The following LRRK2 variants were observed in gnomAD, a reference collection of about 807,000 sequenced individuals.
LRRK2 encodes leucine rich repeat kinase 2.
In LRRK2, 203 loss-of-function variants were observed where a neutral mutation model predicts 302.6. The ratio of observed to expected loss-of-function variants is 0.67; its 90% CI spans 0.60 to 0.75. The LOEUF is 0.75. Ranked by LOEUF, LRRK2 falls within the 30% of genes least tolerant of loss-of-function variation. The pLI is 0.00. For synonymous variants in LRRK2, 1,066 were observed against 1,031.9 expected (o/e 1.03, Z -0.63); for missense variants, 2,830 against 2,951.0 (o/e 0.96, Z 0.95).
chr12:40,363,942 T>C (rs1183265787), intron 48 of LRRK2, among the ~76,000 whole-genome samples: 1 of 151,704 alleles, frequency 6.6e-6, no homozygotes, highest in African/African-American at 2.4e-5. Flanking sequence ...CACAAAATAA[T>C]AGACAAATAT....
chr12:40,291,513 C>G (rs1043129470), intron 20 of LRRK2, among the ~76,000 whole-genome samples: 1 of 151,146 alleles, frequency 6.6e-6, no homozygotes, highest in Non-Finnish European at 1.5e-5. Flanking sequence ...CATTTATTTT[C>G]CAAATATTTG....
rs201317931 is a variant in LRRK2 at position 40,354,410 on chromosome 12, G to A, written c.6688G>A (p.Glu2230Lys). 156 of 1,614,060 alleles carry A rather than the reference G, an allele frequency of 9.7e-5. No homozygotes were observed. Among genetic ancestry groups the A allele is most frequent in the Middle Eastern group, 1.7e-4 (1 of 6,060 alleles). The change falls in exon 45 of 51, where the codon GAA (glutamate) becomes AAA (lysine). Residue 2230 changes from glutamate (E) to lysine (K), a missense_variant. Glu to Lys is a moderately conservative substitution (Grantham distance 56). Coordinates refer to ENST00000298910, the MANE Select transcript of LRRK2 (RefSeq NM_198578.4). ...QSGTLLVINT[E>K]DGKKRHTLEK... ...TGGTACTCTCCTGGTCATCAATACC[G>A]AAGATGGGAAAAAGAGACATACCCT...
In LRRK2 at chr12:40,287,499, G is replaced by A. The variant is rs752382576; in HGVS notation, c.2649G>A (p.Met883Ile). 3 of 1,612,546 alleles carry A rather than the reference G, an allele frequency of 1.9e-6. No homozygotes were observed. Among genetic ancestry groups the A allele is most frequent in the South Asian group, 2.2e-5 (2 of 91,056 alleles). The change falls in exon 20 of 51, where the codon ATG becomes ATA. Residue 883 changes from methionine to isoleucine, a missense_variant. By Grantham distance (10) the Met-to-Ile change is conservative. Transcript: ENST00000298910. ...DEWTFIPDSS[M>I]DSVFAQSDDL... ...GGACCTTTATTCCTGACTCTTCTAT[G>A]GACAGTGTGTTTGCTCAAAGTGATG...
In LRRK2 at chr12:40,309,043, TA is replaced by T. The variant is rs928530607; in HGVS notation, c.4190-57del. On this transcript the variant is annotated intron_variant, in intron 29 of 50. Coordinates refer to ENST00000298910, the MANE Select transcript of LRRK2 (RefSeq NM_198578.4). Reference sequence around the variant, plus strand: ...AGTATTATTCTCCCAGATTTTTTTTTAAAAAAGGATTCTTGCCTGTCGTTTG... The same window carrying T: ...AGTATTATTCTCCCAGATTTTTTTTTAAAAAGGATTCTTGCCTGTCGTTTG... 1,153 of 1,425,360 alleles carry T rather than the reference TA, an allele frequency of 8.1e-4. 1 individual carries two copies. Among genetic ancestry groups the T allele is most frequent in the African/African-American group, 1.5e-3 (100 of 68,920 alleles). The allele number at this position is 1,425,360 out of a possible 1,614,324, so 88.3% of individuals were successfully genotyped here.
At chr12:40,359,777 A>G (rs1946650794) in intron 47 of LRRK2, among the ~76,000 whole-genome samples, 1 of 152,128 alleles carries the variant, frequency 6.6e-6, no homozygotes, top group African/African-American at 2.4e-5. Context: ...TCAACTTTGT[A>G]TTTCACCAAA....
At chr12:40,351,838 A>G (rs1357655611) in intron 44 of LRRK2, 105 bp downstream of exon 44, 5 of 1,155,530 alleles carry the variant, frequency 4.3e-6, no homozygotes, top group Non-Finnish European at 6.3e-6. Flanking sequence ...TTATTATTCA[A>G]TTAGCCTTCT....
Position 40,287,549 on chromosome 12 carries a change from AT to A in LRRK2, c.2689+11del. The stretch of plus-strand genomic sequence containing the variant: ...GACCTGGATAGTGAAGGTATTTATT[AT>A]AAAAAAAAACCCTTTATGCTTTATA... On this transcript the variant is annotated intron_variant, in intron 20 of 50. Coordinates refer to ENST00000298910, the MANE Select transcript of LRRK2 (RefSeq NM_198578.4). The A allele has an allele frequency of 1.2e-6, 2 of 1,607,234 alleles. No homozygotes were observed. The highest frequency in any genetic ancestry group is 1.7e-6 in the Non-Finnish European group (2 of 1,177,146).
Position 40,283,871 on chromosome 12 carries a change from A to G in LRRK2, c.2242-4A>G. On this transcript the variant is annotated splice_region_variant and splice_polypyrimidine_tract_variant and intron_variant, in intron 18 of 50. Coordinates refer to ENST00000298910, the MANE Select transcript of LRRK2 (RefSeq NM_198578.4). ...TAATATACTTAATTTTTTTTCTTTAATAGGTATGTGAGAAAGAGAGCAGTC... is the reference window on the plus strand; with the variant it reads ...TAATATACTTAATTTTTTTTCTTTAGTAGGTATGTGAGAAAGAGAGCAGTC... The G allele has an allele frequency of 6.2e-7, 1 of 1,609,050 alleles. No homozygotes were observed. The highest frequency in any genetic ancestry group is 8.5e-7 in the Non-Finnish European group (1 of 1,177,302).
intron 43 of LRRK2, 37 bp from the exon 44 acceptor site, chr12:40,351,502 C>G: frequency 1.3e-6 from 2 of 1,594,324 alleles, no homozygotes; most frequent in Non-Finnish European, 1.7e-6. Context: ...TGAGTTAACT[C>G]GATAAGTACT....
intron 30 of LRRK2, 103 bp downstream of exon 30, chr12:40,309,336 A>C: frequency 7.0e-7 from 1 of 1,419,788 alleles, no homozygotes. Context: ...CAATTGCTTC[A>C]GTCTCTTTAA....
At chr12:40,261,655 G>A (rs763503758) in intron 13 of LRRK2, among the ~76,000 whole-genome samples, 9 of 152,042 alleles carry the variant, frequency 5.9e-5, no homozygotes, top group Non-Finnish European at 1.2e-4. Context: ...GTATCAACAA[G>A]TAACTATGGT....
intron 47 of LRRK2, among the ~76,000 whole-genome samples, chr12:40,363,061 TATA>T (rs1416088267): frequency 1.3e-5 from 2 of 152,078 alleles, no homozygotes; most frequent in African/African-American, 4.8e-5. Context: ...AAGTTACAGA[TATA>T]ATATTTCCTT....
At chr12:40,245,731 T>C (rs894364454) in intron 7 of LRRK2, among the ~76,000 whole-genome samples, 4 of 152,148 alleles carry the variant, frequency 2.6e-5, no homozygotes, top group Non-Finnish European at 4.4e-5. Flanking sequence ...TTATTGTAAA[T>C]GGTATTTCTT....
intron 47 of LRRK2, among the ~76,000 whole-genome samples, chr12:40,362,617 A>G (rs1200879798): frequency 2.6e-5 from 4 of 151,992 alleles, no homozygotes; most frequent in Admixed American, 6.6e-5. Flanking sequence ...ACCAGTGGGG[A>G]AAAGGGACTG....
chr12:40,304,233 G>T (rs1944728686), intron 27 of LRRK2, 99 bp downstream of exon 27: 1 of 1,121,408 alleles, frequency 8.9e-7, no homozygotes, highest in South Asian at 1.4e-5. Context: ...CCAATTTCAT[G>T]AAACTAGAAG....
At position 40,240,532 on chromosome 12, in the gene LRRK2, A is replaced by G. The variant is rs761646404; in HGVS notation, c.621A>G (p.Ile207Met). 46 of 1,612,786 alleles carry G rather than the reference A, an allele frequency of 2.9e-5. No individual in the cohort carries two copies. The highest frequency in any genetic ancestry group is 3.7e-5 in the Non-Finnish European group (44 of 1,179,144). ...TTGTTGAGAACAAAGATTATATGAT[A>G]TTGTTAAGTGCGTTAACAAATTTTA... ...TEFVENKDYM[I>M]LLSALTNFKD... is the part of the protein sequence containing the mutation. Residue 207 changes from isoleucine to methionine, a missense_variant, in exon 6 of 51, where the codon ATA (isoleucine) becomes ATG (methionine). Physicochemically the swap from Ile to Met is conservative, Grantham distance 10 (BLOSUM62 1). Coordinates refer to ENST00000298910, the MANE Select transcript of LRRK2 (RefSeq NM_198578.4).
At chr12:40,262,246 A>G (rs892010130) in intron 13 of LRRK2, among the ~76,000 whole-genome samples, 2 of 152,146 alleles carry the variant, frequency 1.3e-5, no homozygotes, top group African/African-American at 4.8e-5. Context: ...AATATGGAGG[A>G]CTTAAAAAGT....
chr12:40,256,222 G>A (rs564727334), intron 11 of LRRK2, among the ~76,000 whole-genome samples: 1 of 152,314 alleles, frequency 6.6e-6, no homozygotes, highest in Non-Finnish European at 1.5e-5. Context: ...CAAGGCAGGA[G>A]GATTGCTTGA....
intron 14 of LRRK2, among the ~76,000 whole-genome samples, chr12:40,272,534 T>C (rs1943275375): frequency 6.6e-6 from 1 of 152,208 alleles, no homozygotes; most frequent in African/African-American, 2.4e-5. Context: ...GAGTGAGTGC[T>C]ACCTCGGTTT....
Sources: allele counts gnomAD v4.1 joint callset (sites outside exome capture counted in the v4.1 genomes callset), GRCh38; gene constraint gnomAD v4.1.1; transcripts MANE v1.5; gene names NCBI Gene and HGNC (gene_info 2026-07-23, HGNC 2026-07-21).